DPY19L2: variants seen among roughly 807,000 people sequenced by gnomAD.
DPY19L2 encodes probable C-mannosyltransferase DPY19L2.
DPY19L2 carries 34 observed loss-of-function variants against 97.9 expected under a neutral mutation model. That is an observed-to-expected ratio of 0.35 (90% CI 0.26 to 0.46). The LOEUF (loss-of-function observed/expected upper bound fraction) is 0.46. Among genes scored for constraint, DPY19L2 ranks in the 20% least tolerant of loss-of-function variants. The pLI is 1.00. For synonymous variants in DPY19L2, 230 were observed against 307.9 expected (o/e 0.75, Z 2.65); for missense variants, 623 against 911.4 (o/e 0.68, Z 4.07).
chr12:63,595,853 C>T (rs1232714038), intron 15 of DPY19L2, 113 bp downstream of exon 15: 1 of 1,008,824 alleles, frequency 9.9e-7, no homozygotes, highest in East Asian at 3.0e-5. Flanking sequence ...AAAAAGCAAA[C>T]TTTTAGAGAG....
At chr12:63,629,114 G>T (rs952536483) in intron 6 of DPY19L2, among the ~76,000 whole-genome samples, 25 of 152,006 alleles carry the variant, frequency 1.6e-4, no homozygotes, top group African/African-American at 6.0e-4. Flanking sequence ...CAAAGATGGG[G>T]AAAAAACAGA....
intron 16 of DPY19L2, among the ~76,000 whole-genome samples, chr12:63,590,497 T>C (rs1363589723): frequency 5.9e-5 from 9 of 152,074 alleles, no homozygotes; most frequent in African/African-American, 1.4e-4. Context: ...AAAAGTTATA[T>C]ATAATCTAAA....
At chr12:63,650,719 T>C (rs1894087899) in intron 4 of DPY19L2, among the ~76,000 whole-genome samples, 2 of 152,192 alleles carry the variant, frequency 1.3e-5, no homozygotes, top group African/African-American at 4.8e-5. Flanking sequence ...AAACATTCTA[T>C]GCTCATGAAT....
At chr12:63,652,529 C>T in intron 4 of DPY19L2, among the ~76,000 whole-genome samples, 1 of 152,138 alleles carries the variant, frequency 6.6e-6, no homozygotes, top group East Asian at 1.9e-4. Flanking sequence ...ACCTAAATGC[C>T]ATCAATAGTG....
intron 11 of DPY19L2, among the ~76,000 whole-genome samples, chr12:63,610,231 C>T (rs10219770): frequency 1.3e-5 from 2 of 151,664 alleles, no homozygotes; most frequent in South Asian, 2.1e-4. Context: ...TTACCTACAG[C>T]GAATAGGCAG....
At chr12:63,627,327 C>A (rs1203009627) in intron 6 of DPY19L2, among the ~76,000 whole-genome samples, 5 of 151,974 alleles carry the variant, frequency 3.3e-5, no homozygotes, top group African/African-American at 1.2e-4. Flanking sequence ...AAAACCATTT[C>A]TTTTGTTGTT....
chr12:63,576,930 A>C (rs903143645), intron 19 of DPY19L2, among the ~76,000 whole-genome samples: 1 of 152,108 alleles, frequency 6.6e-6, no homozygotes, highest in Non-Finnish European at 1.5e-5. Flanking sequence ...GAGATAGAAA[A>C]AACTATCCTT....
chr12:63,575,646 C>G (rs1879681799), intron 19 of DPY19L2, among the ~76,000 whole-genome samples: 1 of 151,776 alleles, frequency 6.6e-6, no homozygotes, highest in African/African-American at 2.4e-5. Context: ...ATTAAAGGAT[C>G]ATCAGAGACT....
rs369748911 is a variant in DPY19L2 at position 63,644,466 on chromosome 12, C to T, written c.740G>A (p.Gly247Asp). The T allele has an allele frequency of 9.3e-6, 15 of 1,611,380 alleles. No individual in the cohort carries two copies. Among genetic ancestry groups the T allele is most frequent in the Admixed American group, 1.7e-5 (1 of 59,520 alleles). The change falls in exon 6 of 22, where the codon GGT becomes GAT. Residue 247 changes from glycine (G) to aspartate (D), a missense_variant. Transcript: ENST00000324472. ...TAGTCCATTTAAAATAAAGATTACA[C>T]CAACATAAAAGCAAGCAGGATCTCC... ...GLGDPACFYV[G>D]VIFILNGLMM...
chr12:63,594,254 T>C, intron 15 of DPY19L2, 121 bp from the exon 16 acceptor site: 1 of 727,618 alleles, frequency 1.4e-6, no homozygotes, highest in Non-Finnish European at 2.2e-6. Context: ...TTTAAGGGAG[T>C]CCTCAGGAAC....
chr12:63,665,166 CT>C (rs1158714097), intron 2 of DPY19L2, among the ~76,000 whole-genome samples: 2 of 152,086 alleles, frequency 1.3e-5, no homozygotes, highest in Non-Finnish European at 2.9e-5. Flanking sequence ...GTTACTAAAA[CT>C]TTATCACCAA....
chr12:63,591,527 CTTCACAATTTACTTCTTGAGT>C (rs1192736080), intron 16 of DPY19L2, among the ~76,000 whole-genome samples: 6 of 152,144 alleles, frequency 3.9e-5, no homozygotes, highest in Admixed American at 6.5e-5. Context: ...AGGAAATTTT[CTTCACAATTTACTTCTTGAGT>C]TTTGTAGCAA....
At position 63,560,581 on chromosome 12, in the gene DPY19L2, G is replaced by A. The variant is rs747421170; in HGVS notation, c.2208C>T (p.Leu736=). The change falls in exon 22 of 22, where the codon CTC becomes CTT. Residue 736 remains leucine, a synonymous_variant. Transcript: ENST00000324472. ...TGGTGAAGTAAGGCCTGGCGTCTTC[G>A]AGCAGGACGCTACATAAGGGAGGGT... The part of the protein sequence containing the change: ...AANPPLCSVL[L]EDARPYFTTV... 1.5e-5 allele frequency: 25 copies of A among 1,613,756 alleles called. No individual in the cohort carries two copies. The African/African-American group carries it at 1.7e-4, about 11-fold the overall frequency.
chr12:63,610,864 A>AAAAAAAAAAAAAAAAAAAAAAC (rs1886860480), intron 11 of DPY19L2, among the ~76,000 whole-genome samples: 1 of 103,956 alleles, frequency 9.6e-6, no homozygotes. Context: ...AAAAAAAAAA[A>AAAAAAAAAAAAAAAAAAAAAAC]AAAAAAAAAA....
chr12:63,640,316 G>T (rs528426685), intron 6 of DPY19L2, among the ~76,000 whole-genome samples: 1 of 152,176 alleles, frequency 6.6e-6, no homozygotes, highest in Non-Finnish European at 1.5e-5. Context: ...AAACCTGCAC[G>T]TTGTGCACAT....
intron 16 of DPY19L2, among the ~76,000 whole-genome samples, chr12:63,588,827 C>T (rs1882300644): frequency 6.7e-6 from 1 of 149,082 alleles, no homozygotes; most frequent in South Asian, 2.1e-4. Context: ...GATCTCAGCT[C>T]ACTGAAACCT....
rs529033071 is a variant in DPY19L2 at position 63,624,289 on chromosome 12, T to C, written c.862-158A>G. Reference sequence around the variant, plus strand: ...TCTCAGTTTTTGAAGCTCTCTTAACTCATGAGGCCATTATGTAGACAGCAA... The same window carrying C: ...TCTCAGTTTTTGAAGCTCTCTTAACCCATGAGGCCATTATGTAGACAGCAA... On this transcript the variant is annotated intron_variant, in intron 7 of 21. Transcript: ENST00000324472. Among the ~76,000 whole-genome samples the C allele has an allele frequency of 2.0e-5, 3 of 152,076 alleles. No individual in the cohort carries two copies. In the East Asian group the frequency reaches 5.8e-4, roughly 29 times the overall value.
At chr12:63,640,663 C>T (rs1037056081) in intron 6 of DPY19L2, among the ~76,000 whole-genome samples, 5 of 152,070 alleles carry the variant, frequency 3.3e-5, no homozygotes, top group Admixed American at 3.3e-4. Flanking sequence ...TATTGGTTGA[C>T]TCTGTATATC....
At chr12:63,573,954 G>A (rs1208820454) in intron 19 of DPY19L2, among the ~76,000 whole-genome samples, 1 of 151,962 alleles carries the variant, frequency 6.6e-6, no homozygotes, top group Non-Finnish European at 1.5e-5. Context: ...GAAAGAAAAG[G>A]ACATTAATGA....
Sources: gnomAD v4.1 joint callset for allele counts (sites outside exome capture counted in the v4.1 genomes callset) on GRCh38, gnomAD v4.1.1 for gene constraint, MANE v1.5 for transcripts, NCBI Gene and HGNC (gene_info 2026-07-23, HGNC 2026-07-21) for gene names.